The following VWC2L variants were observed in gnomAD, a reference collection of about 807,000 sequenced individuals.
VWC2L encodes the protein von Willebrand factor C domain-containing protein 2-like.
A neutral mutation model predicts 21.6 loss-of-function variants in VWC2L; 10 were observed. The observed-to-expected ratio is 0.46, with a 90% CI of 0.29 to 0.78. The LOEUF (loss-of-function observed/expected upper bound fraction) is 0.78, where lower values mean the gene tolerates loss of function less well. VWC2L is among the 30% of genes least tolerant of loss of function. The pLI, the probability that VWC2L is intolerant of heterozygous loss-of-function variation, is 0.10. For synonymous variants in VWC2L, 96 were observed against 94.3 expected (o/e 1.02, Z -0.10); for missense variants, 209 against 277.1 (o/e 0.75, Z 1.74).
At chr2:214,455,779 A>C (rs1703047469) in intron 3 of VWC2L, among the ~76,000 whole-genome samples, 1 of 152,150 alleles carries the variant, frequency 6.6e-6, no homozygotes, top group Non-Finnish European at 1.5e-5. Context: ...TAGCTCCCAC[A>C]TGTAAGTGTA....
At chr2:214,460,281 T>C (rs969240775) in intron 3 of VWC2L, among the ~76,000 whole-genome samples, 3 of 152,172 alleles carry the variant, frequency 2.0e-5, no homozygotes, top group African/African-American at 7.2e-5. Flanking sequence ...TTCTGAGCTT[T>C]TTGTATCTGG....
At chr2:214,421,293 G>A (rs541491280) in intron 2 of VWC2L, among the ~76,000 whole-genome samples, 97 of 152,192 alleles carry the variant, frequency 6.4e-4, no homozygotes, top group Non-Finnish European at 1.1e-3. Flanking sequence ...AAAGAGAGTA[G>A]AATTATAAGA....
chr2:214,437,612 A>G (rs1419152256), intron 3 of VWC2L, among the ~76,000 whole-genome samples: 1 of 152,168 alleles, frequency 6.6e-6, no homozygotes, highest in East Asian at 1.9e-4. Context: ...CCTAATTAAG[A>G]TAAGCTCACT....
chr2:214,459,106 A>T (rs1292247900), intron 3 of VWC2L, among the ~76,000 whole-genome samples: 6 of 152,162 alleles, frequency 3.9e-5, no homozygotes, highest in African/African-American at 1.4e-4. Flanking sequence ...GTGTTGGTGC[A>T]CATGTGTTTA....
intron 2 of VWC2L, among the ~76,000 whole-genome samples, chr2:214,422,877 T>A (rs771309098): frequency 1.3e-5 from 2 of 152,212 alleles, no homozygotes; most frequent in African/African-American, 4.8e-5. Flanking sequence ...CTACAGGGTA[T>A]AAACATGCAC....
At chr2:214,544,793 C>A (rs1181495162) in intron 3 of VWC2L, among the ~76,000 whole-genome samples, 1 of 152,046 alleles carries the variant, frequency 6.6e-6, no homozygotes, top group Non-Finnish European at 1.5e-5. Context: ...ATAGGGTATT[C>A]TACACCCTAT....
intron 3 of VWC2L, among the ~76,000 whole-genome samples, chr2:214,524,913 C>G (rs1380551945): frequency 6.8e-6 from 1 of 146,034 alleles, no homozygotes. Flanking sequence ...ATCTTCAGAG[C>G]CAAGGGCACT....
chr2:214,553,499 T>C (rs1689827403), intron 3 of VWC2L, among the ~76,000 whole-genome samples: 1 of 152,200 alleles, frequency 6.6e-6, no homozygotes, highest in Non-Finnish European at 1.5e-5. Flanking sequence ...TTGAAAGAGT[T>C]CTTATCTAAA....
At chr2:214,543,479 A>C (rs1042366709) in intron 3 of VWC2L, among the ~76,000 whole-genome samples, 1 of 152,234 alleles carries the variant, frequency 6.6e-6, no homozygotes, top group African/African-American at 2.4e-5. Flanking sequence ...TTTTATCTTC[A>C]CATTTCATAA....
At chr2:214,503,593 A>G (rs1226840575) in intron 3 of VWC2L, among the ~76,000 whole-genome samples, 1 of 152,174 alleles carries the variant, frequency 6.6e-6, no homozygotes, top group Non-Finnish European at 1.5e-5. Context: ...TTGTAATCCA[A>G]ACTCTCAGCT....
At chr2:214,538,107 T>C (rs1250317921) in intron 3 of VWC2L, among the ~76,000 whole-genome samples, 1 of 152,146 alleles carries the variant, frequency 6.6e-6, no homozygotes, top group East Asian at 1.9e-4. Context: ...GGAGTCATGG[T>C]AAACAATGTG....
At chr2:214,546,214 T>C (rs1470634086) in intron 3 of VWC2L, among the ~76,000 whole-genome samples, 1 of 152,190 alleles carries the variant, frequency 6.6e-6, no homozygotes, top group Non-Finnish European at 1.5e-5. Context: ...CATTTTCTCT[T>C]ATGGTCAGGC....
chr2:214,528,592 CT>C (rs145324101), intron 3 of VWC2L, among the ~76,000 whole-genome samples: 40 of 148,692 alleles, frequency 2.7e-4, no homozygotes, highest in African/African-American at 6.6e-4. Context: ...ATTTACATCT[CT>C]TTTTTTTTTA....
At chr2:214,541,853 T>C (rs570275259) in intron 3 of VWC2L, among the ~76,000 whole-genome samples, 1 of 152,106 alleles carries the variant, frequency 6.6e-6, no homozygotes, top group African/African-American at 2.4e-5. Context: ...CTAAAACATA[T>C]ATTCTAGGTG....
At chr2:214,467,857 A>G (rs567935950) in intron 3 of VWC2L, among the ~76,000 whole-genome samples, 105 of 152,302 alleles carry the variant, frequency 6.9e-4, no homozygotes, top group African/African-American at 2.5e-3. Flanking sequence ...TTAATAACAT[A>G]GTATGAAGCC....
At chr2:214,474,928 T>C (rs760915385) in intron 3 of VWC2L, among the ~76,000 whole-genome samples, 5 of 152,138 alleles carry the variant, frequency 3.3e-5, no homozygotes, top group Admixed American at 1.3e-4. Context: ...ATCCAAAAAG[T>C]AATACCAACC....
intron 3 of VWC2L, among the ~76,000 whole-genome samples, chr2:214,547,352 C>T (rs969152775): frequency 6.6e-6 from 1 of 152,136 alleles, no homozygotes; most frequent in Non-Finnish European, 1.5e-5. Context: ...CAGTGTAGAA[C>T]TAAACATCTA....
At chr2:214,481,606 C>T (rs1449143304) in intron 3 of VWC2L, among the ~76,000 whole-genome samples, 1 of 152,130 alleles carries the variant, frequency 6.6e-6, no homozygotes, top group Non-Finnish European at 1.5e-5. Flanking sequence ...GGTTATACAG[C>T]AATACACAAC....
chr2:214,490,349 C>T (rs1688729298), intron 3 of VWC2L, among the ~76,000 whole-genome samples: 1 of 151,084 alleles, frequency 6.6e-6, no homozygotes, highest in South Asian at 2.1e-4. Context: ...GTCCCAATTA[C>T]AAATTTCTAG....
Sources: allele counts gnomAD v4.1 joint callset (sites outside exome capture counted in the v4.1 genomes callset), GRCh38; gene constraint gnomAD v4.1.1; transcripts MANE v1.5; gene names NCBI Gene and HGNC (gene_info 2026-07-23, HGNC 2026-07-21).